The following RBFOX3 variants were observed in gnomAD, a reference collection of about 807,000 sequenced individuals.
The protein encoded by RBFOX3 is RNA binding protein fox-1 homolog 3.
A neutral mutation model predicts 48.7 loss-of-function variants in RBFOX3; 17 were observed. That is an observed-to-expected ratio of 0.35 (90% confidence interval 0.24 to 0.52). The LOEUF (loss-of-function observed/expected upper bound fraction) is 0.52. Ranked by LOEUF, RBFOX3 falls within the 20% of genes least tolerant of loss-of-function variation. The pLI is 0.94. For synonymous variants in RBFOX3, 212 were observed against 209.5 expected (o/e 1.01, Z -0.10); for missense variants, 382 against 497.5 (o/e 0.77, Z 2.21).
intron 3 of RBFOX3, among the ~76,000 whole-genome samples, chr17:79,304,754 A>G (rs2075860079): frequency 6.6e-6 from 1 of 152,196 alleles, no homozygotes; most frequent in African/African-American, 2.4e-5. Context: ...AGAATGAAAG[A>G]GGATGGAAGT....
At chr17:79,663,899 T>C in the RBFOX3 span, among the ~76,000 whole-genome samples, 1 of 152,096 alleles carries the variant, frequency 6.6e-6, no homozygotes, top group South Asian at 2.1e-4. Context: ...AAGCCCAATC[T>C]TCGTGTTGAG....
chr17:79,496,764 A>G (rs1431137556), intron 1 of RBFOX3, among the ~76,000 whole-genome samples: 1 of 152,156 alleles, frequency 6.6e-6, no homozygotes, highest in African/African-American at 2.4e-5. Flanking sequence ...GGACACAGTG[A>G]TGCCCACCTC....
chr17:79,119,795 C>G (rs530226887), intron 4 of RBFOX3, among the ~76,000 whole-genome samples: 2 of 152,308 alleles, frequency 1.3e-5, no homozygotes, highest in African/African-American at 4.8e-5. Flanking sequence ...TGTGGTCCTG[C>G]AAGCGGCTCT....
chr17:79,342,601 C>T (rs990686165), intron 2 of RBFOX3, among the ~76,000 whole-genome samples: 2 of 152,148 alleles, frequency 1.3e-5, no homozygotes, highest in African/African-American at 4.8e-5. Flanking sequence ...AGCCAGTGAG[C>T]GAAGTGCTTT....
intron 3 of RBFOX3, among the ~76,000 whole-genome samples, chr17:79,306,134 C>T (rs1375906194): frequency 6.6e-6 from 1 of 152,268 alleles, no homozygotes; most frequent in African/African-American, 2.4e-5. Flanking sequence ...GACCCGAGGC[C>T]TGCAGGCGGC....
At chr17:79,128,654 C>T (rs551918594) in intron 4 of RBFOX3, among the ~76,000 whole-genome samples, 4 of 152,268 alleles carry the variant, frequency 2.6e-5, no homozygotes, top group African/African-American at 9.6e-5. Context: ...CATGGAACAC[C>T]CCCAAAAGCC....
intron 11 of RBFOX3, 124 bp from the exon 12 acceptor site, chr17:79,096,957 C>T: frequency 1.7e-6 from 1 of 599,576 alleles, no homozygotes; most frequent in Non-Finnish European, 3.0e-6. Context: ...TGATGGAGGG[C>T]ACCAGACCCC....
chr17:79,213,148 C>T (rs559389995), intron 4 of RBFOX3, among the ~76,000 whole-genome samples: 36 of 152,312 alleles, frequency 2.4e-4, no homozygotes, highest in African/African-American at 7.0e-4. Context: ...TGAGCTACCA[C>T]GCCCAGCCTG....
At chr17:79,300,648 C>T (rs1438544614) in intron 3 of RBFOX3, among the ~76,000 whole-genome samples, 1 of 152,106 alleles carries the variant, frequency 6.6e-6, no homozygotes, top group Non-Finnish European at 1.5e-5. Flanking sequence ...GATGGAGAGA[C>T]CATTTCGGAT....
At chr17:79,226,815 G>A (rs2060360966) in intron 4 of RBFOX3, among the ~76,000 whole-genome samples, 1 of 152,318 alleles carries the variant, frequency 6.6e-6, no homozygotes, top group African/African-American at 2.4e-5. Context: ...AGGGACATGG[G>A]CATTTGCAGG....
At chr17:79,282,303 C>T (rs925552262) in intron 3 of RBFOX3, among the ~76,000 whole-genome samples, 4 of 152,318 alleles carry the variant, frequency 2.6e-5, no homozygotes, top group African/African-American at 7.2e-5. Context: ...GAGGGAACCT[C>T]GCCCTGTTGG....
chr17:79,326,359 G>T (rs1397846324), intron 2 of RBFOX3, among the ~76,000 whole-genome samples: 2 of 152,194 alleles, frequency 1.3e-5, no homozygotes, highest in Admixed American at 1.3e-4. Context: ...TGACAACCCA[G>T]GATCACGCAG....
At chr17:79,246,481 T>C (rs2063186025) in intron 3 of RBFOX3, among the ~76,000 whole-genome samples, 1 of 152,252 alleles carries the variant, frequency 6.6e-6, no homozygotes, top group Non-Finnish European at 1.5e-5. Context: ...CTGTCTGAGC[T>C]GCTCTCTCCG....
intron 3 of RBFOX3, among the ~76,000 whole-genome samples, chr17:79,302,235 T>G (rs2075424329): frequency 2.0e-5 from 3 of 152,162 alleles, no homozygotes; most frequent in Admixed American, 6.5e-5. Flanking sequence ...TCCCCTTCCA[T>G]CAGCAGCCCT....
intron 1 of RBFOX3, among the ~76,000 whole-genome samples, chr17:79,530,841 T>C (rs947790411): frequency 6.6e-6 from 1 of 152,162 alleles, no homozygotes; most frequent in Non-Finnish European, 1.5e-5. Flanking sequence ...CCGTCTATAC[T>C]GGGAAAGGGG....
At chr17:79,474,996 TC>T (rs2077528075) in intron 2 of RBFOX3, among the ~76,000 whole-genome samples, 1 of 152,042 alleles carries the variant, frequency 6.6e-6, no homozygotes, top group South Asian at 2.1e-4. Context: ...CGCCTCCCTC[TC>T]CCACAGGCAG....
the RBFOX3 span, among the ~76,000 whole-genome samples, chr17:79,623,976 G>A: frequency 2.6e-5 from 4 of 152,182 alleles, no homozygotes; most frequent in Admixed American, 2.0e-4. Context: ...GCCAAGGAGC[G>A]CAAGCAGCCT....
At chr17:79,548,744 G>A (rs1168280115) in intron 1 of RBFOX3, among the ~76,000 whole-genome samples, 4 of 152,178 alleles carry the variant, frequency 2.6e-5, no homozygotes. Flanking sequence ...CGTGTCCTTG[G>A]GCATGCGTTG....
chr17:79,114,134 A>T (rs1013579562), intron 5 of RBFOX3, among the ~76,000 whole-genome samples: 2 of 152,004 alleles, frequency 1.3e-5, no homozygotes, highest in African/African-American at 4.8e-5. Context: ...TCAGAAGGAG[A>T]CCCAGCCTGC....
Sources: gnomAD v4.1 joint callset for allele counts (sites outside exome capture counted in the v4.1 genomes callset) on GRCh38, gnomAD v4.1.1 for gene constraint, MANE v1.5 for transcripts, NCBI Gene and HGNC (gene_info 2026-07-23, HGNC 2026-07-21) for gene names.